SEMA3D: variants seen among roughly 807,000 people sequenced by gnomAD.
The protein encoded by SEMA3D is semaphorin 3D.
Under a neutral mutation model 100.1 loss-of-function variants are expected in SEMA3D, and 84 were observed. The ratio of observed to expected loss-of-function variants is 0.84; its 90% CI spans 0.70 to 1.01. SEMA3D has a LOEUF of 1.01. Ranked by LOEUF, SEMA3D falls within the 50% of genes least tolerant of loss-of-function variation. The pLI, the probability that SEMA3D is intolerant of heterozygous loss-of-function variation, is 0.00. For synonymous variants in SEMA3D, 312 were observed against 320.7 expected, an observed-to-expected ratio of 0.97 and a Z score of 0.29; for missense variants, 875 against 934.1, an observed-to-expected ratio of 0.94 and a Z score of 0.82.
the SEMA3D span, among the ~76,000 whole-genome samples, chr7:85,205,617 A>C: frequency 1.3e-5 from 2 of 152,072 alleles, no homozygotes; most frequent in Non-Finnish European, 2.9e-5. Flanking sequence ...AAAAAAATCA[A>C]ACCCTGGGAC....
chr7:85,205,786 T>G, the SEMA3D span, among the ~76,000 whole-genome samples: 3 of 152,130 alleles, frequency 2.0e-5, no homozygotes, highest in African/African-American at 7.2e-5. Context: ...GCTTGCCCTG[T>G]TAGCTTCTTC....
At chr7:85,142,673 CATT>C in intron 2 of SEMA3D, 5 of 675,864 alleles carry the variant, frequency 7.4e-6, no homozygotes, top group Non-Finnish European at 6.9e-6. Flanking sequence ...AGAAGGATGG[CATT>C]TTTTTTTTTT....
chr7:85,168,833 G>A (rs1171218718), intron 1 of SEMA3D, among the ~76,000 whole-genome samples: 4 of 51,074 alleles, frequency 7.8e-5, no homozygotes, highest in Admixed American at 1.6e-4. Flanking sequence ...AAGAAAGAAA[G>A]AAAGAAAGAA....
the SEMA3D span, among the ~76,000 whole-genome samples, chr7:85,236,483 T>G: frequency 1.3e-5 from 2 of 151,598 alleles, no homozygotes; most frequent in South Asian, 2.1e-4. Flanking sequence ...AATTTTTGTA[T>G]TTTTAGTAGA....
At chr7:85,027,089 C>T (rs963558576) in intron 12 of SEMA3D, among the ~76,000 whole-genome samples, 3 of 152,014 alleles carry the variant, frequency 2.0e-5, no homozygotes, top group Non-Finnish European at 2.9e-5. Context: ...AAATCAGAAA[C>T]CAAGCTCAGG....
At chr7:85,175,232 AG>A (rs1268910833) in intron 1 of SEMA3D, among the ~76,000 whole-genome samples, 2 of 152,186 alleles carry the variant, frequency 1.3e-5, no homozygotes, top group East Asian at 3.9e-4. Flanking sequence ...TATGAATAAA[AG>A]TACTAGTTCC....
chr7:85,216,578 A>G, the SEMA3D span, among the ~76,000 whole-genome samples: 1 of 152,040 alleles, frequency 6.6e-6, no homozygotes. Flanking sequence ...CAAAGAACAC[A>G]ATGATTGCTC....
At chr7:85,058,402 CT>C (rs926939185) in intron 8 of SEMA3D, among the ~76,000 whole-genome samples, 24 of 151,004 alleles carry the variant, frequency 1.6e-4, no homozygotes, top group East Asian at 7.8e-4. Context: ...GTAAAAATCT[CT>C]TTTTTTTTAA....
chr7:85,077,273 T>G (rs539706740), intron 5 of SEMA3D, among the ~76,000 whole-genome samples: 1 of 152,036 alleles, frequency 6.6e-6, no homozygotes, highest in African/African-American at 2.4e-5. Context: ...GAAAACATTT[T>G]AAAGAAAAAG....
chr7:85,217,492 C>A, the SEMA3D span, among the ~76,000 whole-genome samples: 1 of 151,920 alleles, frequency 6.6e-6, no homozygotes, highest in Non-Finnish European at 1.5e-5. Context: ...GTATTCTGGA[C>A]ACTTAATTCA....
intron 7 of SEMA3D, 87 bp from the exon 8 acceptor site, chr7:85,065,639 A>ACT: frequency 1.0e-6 from 1 of 969,964 alleles, no homozygotes; most frequent in Non-Finnish European, 1.6e-6. Flanking sequence ...GCATGACACC[A>ACT]AAGATGTTTG....
At chr7:85,156,816 A>G (rs983363167) in intron 1 of SEMA3D, among the ~76,000 whole-genome samples, 1 of 152,202 alleles carries the variant, frequency 6.6e-6, no homozygotes, top group Admixed American at 6.5e-5. Flanking sequence ...AGCATAACAG[A>G]CAGTAAGAAG....
At chr7:85,018,614 A>G (rs2301939) in intron 14 of SEMA3D, among the ~76,000 whole-genome samples, 6,101 of 151,836 alleles carry the variant, frequency 0.04, 351 homozygotes, top group East Asian at 0.22. Context: ...CTGCTTCCAT[A>G]TAAGTCAAAC....
chr7:85,049,421 A>G (rs1276836863), intron 9 of SEMA3D, among the ~76,000 whole-genome samples: 1 of 151,802 alleles, frequency 6.6e-6, no homozygotes, highest in African/African-American at 2.4e-5. Flanking sequence ...ATCCTGAACA[A>G]CTCAGTTTCT....
At chr7:85,029,497 C>T in intron 12 of SEMA3D, 1 of 666,324 alleles carries the variant, frequency 1.5e-6, no homozygotes. Context: ...TATCAACTGG[C>T]TCGACAAGAA....
intron 4 of SEMA3D, among the ~76,000 whole-genome samples, chr7:85,082,448 T>C (rs1788092122): frequency 6.6e-6 from 1 of 152,210 alleles, no homozygotes; most frequent in Non-Finnish European, 1.5e-5. Context: ...GTAACTCCAT[T>C]AGCTTACAGA....
Position 85,042,151 on chromosome 7 carries a change from G to A in SEMA3D, c.976+20C>T, listed in dbSNP as rs1562794272. 6.7e-7 allele frequency: 1 copy of A among 1,500,216 alleles called. No individual in the cohort carries two copies. Among genetic ancestry groups the A allele is most frequent in the South Asian group, 1.1e-5 (1 of 88,176 alleles). The allele number at this position is 1,500,216 out of a possible 1,614,324, so 92.9% of individuals were successfully genotyped here. On this transcript the variant is annotated intron_variant, in intron 10 of 18. Coordinates refer to ENST00000284136, the MANE Select transcript of SEMA3D (RefSeq NM_001384900.1). ...TAGGCAGTAAGGCCTTTCCAAGAAA[G>A]AAGGAAAGAAGGAACTTACGAAGCT... is the stretch of plus-strand genomic sequence containing the variant.
intron 15 of SEMA3D, 75 bp downstream of exon 15, chr7:85,018,177 T>G (rs1790156819): frequency 1.1e-6 from 1 of 906,822 alleles, no homozygotes; most frequent in Non-Finnish European, 1.8e-6. Flanking sequence ...TTCAATGGAT[T>G]TTTTTTCAAA....
Position 84,998,893 on chromosome 7 carries a change from C to T in SEMA3D, c.*547G>A, listed in dbSNP as rs1210058947. The stretch of plus-strand genomic sequence containing the variant: ...CCCCAGTGGCCAGAAAGAAATAATG[C>T]ACCTCTCCAAATTCCTATACCATTC... On this transcript the variant is annotated 3_prime_UTR_variant, in exon 19 of 19. Transcript: ENST00000284136. 2 of 153,310 alleles carry T rather than the reference C, an allele frequency of 1.3e-5. No individual in the cohort carries two copies. The highest frequency in any genetic ancestry group is 4.8e-5 in the African/African-American group (2 of 41,426). 9.5% of individuals were successfully genotyped at this position (153,310 alleles called of 1,614,324 possible). A position where few individuals can be genotyped will look rare whatever the true frequency, so the allele number is the denominator to read the frequency against.
Sources: allele counts gnomAD v4.1 joint callset (sites outside exome capture counted in the v4.1 genomes callset), GRCh38; gene constraint gnomAD v4.1.1; transcripts MANE v1.5; gene names NCBI Gene and HGNC (gene_info 2026-07-23, HGNC 2026-07-21).